MN1: variants seen among roughly 807,000 people sequenced by gnomAD.
The protein encoded by MN1 is transcriptional activator MN1.
In MN1, 19 loss-of-function variants were observed where a neutral mutation model predicts 86.9. That is an observed-to-expected ratio of 0.22 (90% CI 0.15 to 0.32). The LOEUF is 0.32. MN1 is among the 10% of genes least tolerant of loss of function. MN1 has a pLI of 1.00. For synonymous variants in MN1, 928 were observed against 849.6 expected, an observed-to-expected ratio of 1.09 and a Z score of -1.60; for missense variants, 1,841 against 1,862.0, an observed-to-expected ratio of 0.99 and a Z score of 0.21.
At position 27,748,287 on chromosome 22, in the gene MN1, C is replaced by T. The variant is rs1391550532; in HGVS notation, c.*2628G>A. The T allele has an allele frequency of 2.3e-5, 4 of 172,024 alleles. No homozygotes were observed. The highest frequency in any genetic ancestry group is 2.0e-4 in the South Asian group (1 of 4,988). 10.7% of individuals were successfully genotyped at this position (172,024 alleles called of 1,614,324 possible). On this transcript the variant is annotated 3_prime_UTR_variant, in exon 2 of 2. Transcript: ENST00000302326. ...ACAAATATACCACAGTCACCATTAACGTCATATTTATTGTTATTTAACTGC... is the reference window on the plus strand; with the variant it reads ...ACAAATATACCACAGTCACCATTAATGTCATATTTATTGTTATTTAACTGC...
In MN1 at chr22:27,784,657, C is replaced by T. The variant is rs60708322; in HGVS notation, c.3781+12106G>A. 3.3e-3 allele frequency among the ~76,000 whole-genome samples: 500 copies of T among 152,274 alleles called. 2 individuals are homozygous for T. The highest frequency in any genetic ancestry group is 0.012 in the African/African-American group (482 of 41,560). On this transcript the variant is annotated intron_variant, in intron 1 of 1. Coordinates refer to ENST00000302326, the MANE Select transcript of MN1 (RefSeq NM_002430.3). ...GCACTCTATGCAGAGGGGAAAATTGCATTTTTATCTAAATGGTTTTTCTGC... is the reference window on the plus strand; with the variant it reads ...GCACTCTATGCAGAGGGGAAAATTGTATTTTTATCTAAATGGTTTTTCTGC...
chr22:27,754,975 C>G (rs1355654990), intron 1 of MN1, among the ~76,000 whole-genome samples: 3 of 152,216 alleles, frequency 2.0e-5, no homozygotes, highest in African/African-American at 7.2e-5. Context: ...CCCCCCGACC[C>G]TGCACACACC....
At position 27,798,693 on chromosome 22, in the gene MN1, G is replaced by C. The variant is rs1368446770; in HGVS notation, c.1851C>G (p.Thr617=). The change falls in exon 1 of 2, where the codon ACC becomes ACG. Residue 617 remains threonine, a synonymous_variant. Transcript: ENST00000302326. ...GGSTGAGRLG[T]FEQQAPHLAQ... ...CCAAGTGCGGCGCCTGCTGCTCGAA[G>C]GTGCCCAGACGCCCGGCGCCCGTGC... 1.3e-6 allele frequency: 2 copies of C among 1,538,570 alleles called. No homozygotes were observed. The highest frequency in any genetic ancestry group is 3.9e-5 in the Admixed American group (2 of 51,246).
intron 1 of MN1, among the ~76,000 whole-genome samples, chr22:27,791,490 G>T (rs1354562432): frequency 6.6e-6 from 1 of 152,140 alleles, no homozygotes; most frequent in Non-Finnish European, 1.5e-5. Flanking sequence ...GGCCCCTCCA[G>T]ACCAGAGAAC....
chr22:27,782,876 A>G (rs549559071), intron 1 of MN1, among the ~76,000 whole-genome samples: 1 of 152,244 alleles, frequency 6.6e-6, no homozygotes, highest in South Asian at 2.1e-4. Flanking sequence ...TGAGGTACAC[A>G]CTTTTTTTTT....
intron 1 of MN1, among the ~76,000 whole-genome samples, chr22:27,760,259 C>T (rs1007752391): frequency 1.3e-5 from 2 of 151,994 alleles, no homozygotes; most frequent in Non-Finnish European, 2.9e-5. Context: ...GCAGGAGAAT[C>T]GCTTGAACCC....
At chr22:27,778,367 C>T (rs1383375405) in intron 1 of MN1, among the ~76,000 whole-genome samples, 2 of 152,346 alleles carry the variant, frequency 1.3e-5, no homozygotes, top group South Asian at 2.1e-4. Context: ...CCCAAGACCA[C>T]CCTCCTAAAT....
intron 1 of MN1, among the ~76,000 whole-genome samples, chr22:27,763,587 C>T (rs187042387): frequency 5.9e-5 from 9 of 152,308 alleles, no homozygotes; most frequent in East Asian, 3.9e-4. Context: ...ACCCAACCGA[C>T]GGTCAAAGTC....
intron 1 of MN1, among the ~76,000 whole-genome samples, chr22:27,772,185 A>T (rs1268867161): frequency 6.6e-6 from 1 of 152,216 alleles, no homozygotes; most frequent in Non-Finnish European, 1.5e-5. Flanking sequence ...CGGGCAGAGC[A>T]CACACAGCTG....
chr22:27,800,079 G>A lies in MN1; in HGVS notation c.465C>T (p.His155=), dbSNP rs1343574175. ...SQPPFAEGYE[H]MAESQGPESF... ...TCTCAGGCCCCTGGCTCTCCGCCAT[G>A]TGCTCATAGCCCTCGGCGAAGGGCG... Residue 155 remains histidine (H), a synonymous_variant, in exon 1 of 2, where the codon CAC becomes CAT. Coordinates refer to ENST00000302326, the MANE Select transcript of MN1 (RefSeq NM_002430.3). 2 of 1,598,076 alleles carry A rather than the reference G, an allele frequency of 1.3e-6. No homozygotes were observed. Among genetic ancestry groups the A allele is most frequent in the South Asian group, 2.2e-5 (2 of 90,434 alleles).
intron 1 of MN1, among the ~76,000 whole-genome samples, chr22:27,759,975 TG>T (rs138592356): frequency 0.067 from 10,138 of 152,252 alleles, 497 homozygotes; most frequent in Middle Eastern, 0.13. Flanking sequence ...CCCAGCAATT[TG>T]GGAGGTGCAG....
chr22:27,785,751 C>G (rs548021285), intron 1 of MN1, among the ~76,000 whole-genome samples: 1 of 141,558 alleles, frequency 7.1e-6, no homozygotes, highest in African/African-American at 2.5e-5. Flanking sequence ...GGTGTGCCCC[C>G]CCCCCATGGC....
intron 1 of MN1, among the ~76,000 whole-genome samples, chr22:27,773,951 G>A (rs940316599): frequency 6.6e-5 from 10 of 152,122 alleles, no homozygotes; most frequent in African/African-American, 2.4e-4. Context: ...ACCGCGCCCG[G>A]CCTTGATCCT....
In MN1 at chr22:27,800,935, A is replaced by T; in HGVS notation, c.-392T>A. The T allele has an allele frequency of 2.5e-6, 1 of 396,132 alleles. No individual in the cohort carries two copies. Among genetic ancestry groups the T allele is most frequent in the Non-Finnish European group, 4.6e-6 (1 of 216,474 alleles). 24.5% of individuals were successfully genotyped at this position (396,132 alleles called of 1,614,324 possible). The stretch of plus-strand genomic sequence containing the variant: ...AGGGGGTTGGGAGAGCAGAGCGATC[A>T]CCTTCTCAAGTCCGATTGGGTCTGC... On this transcript the variant is annotated 5_prime_UTR_variant, in exon 1 of 2. Coordinates refer to ENST00000302326, the MANE Select transcript of MN1 (RefSeq NM_002430.3).
Position 27,800,625 on chromosome 22 carries a change from G to A in MN1, c.-82C>T, listed in dbSNP as rs1214268817. On this transcript the variant is annotated 5_prime_UTR_variant, in exon 1 of 2. Transcript: ENST00000302326. ...CGCCTCCGGCCAGCTACTCGTTCCA[G>A]CCCAGGATTGGGCGCTCCGGGACGC... is the stretch of plus-strand genomic sequence containing the variant. 8.8e-6 allele frequency: 14 copies of A among 1,594,290 alleles called. 1 individual carries two copies. Among genetic ancestry groups the A allele is most frequent in the South Asian group, 1.1e-5 (1 of 89,450 alleles).
rs1465167143 is a variant in MN1, at chr22:27,800,989, C to A, written c.-446G>T. 6 of 297,126 alleles carry A rather than the reference C, an allele frequency of 2.0e-5. No individual in the cohort carries two copies. The highest frequency in any genetic ancestry group is 4.7e-5 in the Admixed American group (1 of 21,350). 18.4% of individuals were successfully genotyped at this position (297,126 alleles called of 1,614,324 possible). ...GGAGCCCTCAGGACGCCGCCCGCAG[C>A]CTCCCGGAGTCCGTGGCAGAGCTGC... is the stretch of plus-strand genomic sequence containing the variant. On this transcript the variant is annotated 5_prime_UTR_variant, in exon 1 of 2. Transcript: ENST00000302326.
chr22:27,801,688 G>C lies in MN1; in HGVS notation c.-1145C>G, dbSNP rs1253822745. On this transcript the variant is annotated 5_prime_UTR_variant, in exon 1 of 2. Coordinates refer to ENST00000302326, the MANE Select transcript of MN1 (RefSeq NM_002430.3). The stretch of plus-strand genomic sequence containing the variant: ...CCGACTAGCGGGGGGGCTCTGCGTG[G>C]GGCGTTCCGAGGGTCTCGGCTCCCC... Among the ~76,000 whole-genome samples, 1 of 152,200 alleles carries C rather than the reference G, an allele frequency of 6.6e-6. No homozygotes were observed. The highest frequency in any genetic ancestry group is 1.9e-4 in the East Asian group (1 of 5,172).
intron 1 of MN1, among the ~76,000 whole-genome samples, chr22:27,780,136 T>C (rs564300959): frequency 6.6e-6 from 1 of 152,190 alleles, no homozygotes; most frequent in Non-Finnish European, 1.5e-5. Flanking sequence ...TGGGCTCAGA[T>C]GAAGCACCGT....
Position 27,754,257 on chromosome 22 carries a change from G to A in MN1, c.3782-3161C>T, listed in dbSNP as rs558466116. On this transcript the variant is annotated intron_variant, in intron 1 of 1. Coordinates refer to ENST00000302326, the MANE Select transcript of MN1 (RefSeq NM_002430.3). Reference sequence around the variant, plus strand: ...TCATCCCCAAGTTACAGCCATAAGCGTGCCGTGCACTAACGCCAGAAACCA... The same window carrying A: ...TCATCCCCAAGTTACAGCCATAAGCATGCCGTGCACTAACGCCAGAAACCA... Among the ~76,000 whole-genome samples the A allele has an allele frequency of 1.4e-4, 21 of 152,338 alleles. No homozygotes were observed. In the South Asian group the frequency reaches 3.3e-3, roughly 24 times the overall value.
Sources: allele counts gnomAD v4.1 joint callset (sites outside exome capture counted in the v4.1 genomes callset), GRCh38; gene constraint gnomAD v4.1.1; transcripts MANE v1.5; gene names NCBI Gene and HGNC (gene_info 2026-07-23, HGNC 2026-07-21).